NIN: variants seen among roughly 807,000 people sequenced by gnomAD.
NIN encodes the protein ninein.
NIN carries 137 observed loss-of-function variants against 257.6 expected under a neutral mutation model. The ratio of observed to expected loss-of-function variants is 0.53; its 90% CI spans 0.46 to 0.61. NIN has a LOEUF of 0.61. Among genes scored for constraint, NIN ranks in the 20% least tolerant of loss-of-function variants. The pLI, the probability that NIN is intolerant of heterozygous loss-of-function variation, is 0.00. For missense variants in NIN, 2,439 were observed against 2,501.2 expected (o/e 0.98, Z 0.53); for synonymous variants, 918 against 919.8 (o/e 1.00, Z 0.04).
intron 22 of NIN, among the ~76,000 whole-genome samples, chr14:50,746,793 A>G (rs548956973): frequency 3.0e-4 from 45 of 152,340 alleles, no homozygotes; most frequent in African/African-American, 1.1e-3. Context: ...GCATTTCTCC[A>G]TGAGAGGACA....
intron 13 of NIN, 117 bp from the exon 14 acceptor site, chr14:50,766,513 C>T: frequency 1.1e-6 from 1 of 883,174 alleles, no homozygotes. Context: ...AGGAATGTGA[C>T]ATGTAAGCAC....
intron 5 of NIN, 25 bp from the exon 6 acceptor site, chr14:50,778,829 T>A (rs764831528): frequency 1.2e-6 from 2 of 1,613,218 alleles, no homozygotes; most frequent in African/African-American, 2.7e-5. Flanking sequence ...AGAAGATTAG[T>A]GTGCTTTAGA....
At position 50,744,455 on chromosome 14, in the gene NIN, C is replaced by G. The variant is rs897450456; in HGVS notation, c.5065-90G>C. 4 of 1,346,216 alleles carry G rather than the reference C, an allele frequency of 3.0e-6. No individual in the cohort carries two copies. In the African/African-American group the frequency reaches 5.8e-5, roughly 20 times the overall value. 83.4% of individuals were successfully genotyped at this position (1,346,216 alleles called of 1,614,324 possible). A position where few individuals can be genotyped will look rare whatever the true frequency, so the allele number is the denominator to read the frequency against. ...TCTAAATAGGGCATTTTCACAGCTG[C>G]TGCTATTTGCCTATCTGTGGATATT... is the stretch of plus-strand genomic sequence containing the variant. On this transcript the variant is annotated intron_variant, in intron 22 of 30. Transcript: ENST00000530997.
At position 50,757,576 on chromosome 14, in the gene NIN, C is replaced by A. The variant is rs61742284; in HGVS notation, c.3454G>T (p.Val1152Phe). ...GTCCCTGTACTTCCCAGGTCCCGGA[C>A]CTCATCATCTTCCAGGTCACTTAGG... ...HVLSDLEDDE[V>F]RDLGSTGTSS... The change falls in exon 18 of 31, where the codon GTC (valine) becomes TTC (phenylalanine). Residue 1152 changes from valine (V) to phenylalanine (F), a missense_variant. Physicochemically the swap from Val to Phe is conservative, Grantham distance 50. Coordinates refer to ENST00000530997, the MANE Select transcript of NIN (RefSeq NM_020921.4). 2,381 of 1,614,112 alleles carry A rather than the reference C, an allele frequency of 1.5e-3. 33 individuals carry two copies. In the African/African-American group the frequency reaches 0.027, roughly 18 times the overall value.
At position 50,758,611 on chromosome 14, in the gene NIN, ACT is replaced by A. The variant is rs1268070092; in HGVS notation, c.2417_2418del (p.Glu806ValfsTer2). On this transcript the variant is annotated frameshift_variant, in exon 18 of 31. Transcript: ENST00000530997. LOFTEE classifies it high-confidence loss of function. ...TCTATTTGAGAGGTTCTTCTATTAC[ACT>A]CTGTTTCCATTTTTTCCCTAAATAT... ...LQEGREKMET[E>X]CNRRTSQIEA... The A allele has an allele frequency of 4.7e-5, 73 of 1,565,732 alleles. 1 individual carries two copies. Among genetic ancestry groups the A allele is most frequent in the Non-Finnish European group, 5.8e-5 (67 of 1,157,926 alleles).
chr14:50,736,218 C>T (rs775765779), intron 27 of NIN, among the ~76,000 whole-genome samples: 3 of 152,024 alleles, frequency 2.0e-5, no homozygotes, highest in East Asian at 1.9e-4. Flanking sequence ...CTGCAACCTG[C>T]GCTTCCCAGG....
intron 3 of NIN, among the ~76,000 whole-genome samples, chr14:50,811,507 A>G (rs1488918487): frequency 2.1e-5 from 3 of 144,808 alleles, no homozygotes; most frequent in African/African-American, 5.1e-5. Context: ...ACTCTTGTAT[A>G]TGATAAAACT....
At chr14:50,830,025 C>A (rs2045629517) in intron 2 of NIN, among the ~76,000 whole-genome samples, 1 of 152,244 alleles carries the variant, frequency 6.6e-6, no homozygotes, top group African/African-American at 2.4e-5. Flanking sequence ...ATCGACCCCG[C>A]ACACCTCCAA....
chr14:50,781,861 T>C (rs1394293951), intron 5 of NIN, among the ~76,000 whole-genome samples: 1 of 152,258 alleles, frequency 6.6e-6, no homozygotes, highest in African/African-American at 2.4e-5. Context: ...GAATTTATTT[T>C]AATTTCCATA....
intron 7 of NIN, 76 bp downstream of exon 7, chr14:50,776,873 C>A: frequency 1.5e-6 from 2 of 1,345,612 alleles, no homozygotes; most frequent in Non-Finnish European, 2.1e-6. Context: ...GAGAGCCACA[C>A]TACAGCTGTT....
At chr14:50,783,892 G>T (rs996508625) in intron 5 of NIN, among the ~76,000 whole-genome samples, 1 of 152,146 alleles carries the variant, frequency 6.6e-6, no homozygotes. Flanking sequence ...CAGGTGGCCT[G>T]TAGACACAGA....
In NIN at chr14:50,735,516, C is replaced by G; in HGVS notation, c.5877G>C (p.Glu1959Asp). 1.2e-6 allele frequency: 2 copies of G among 1,612,616 alleles called. No homozygotes were observed. The highest frequency in any genetic ancestry group is 1.7e-6 in the Non-Finnish European group (2 of 1,179,828). Residue 1959 changes from glutamate (E) to aspartate (D), a missense_variant and splice_region_variant, in exon 28 of 31, where the codon GAG (glutamate) becomes GAC (aspartate). Coordinates refer to ENST00000530997, the MANE Select transcript of NIN (RefSeq NM_020921.4). Reference sequence around the variant, plus strand: ...TAAGGCCATCTGCTGAGAAACTTACCTCCATGAGCTGCTCATCCAGTTTTA... The same window carrying G: ...TAAGGCCATCTGCTGAGAAACTTACGTCCATGAGCTGCTCATCCAGTTTTA... ...KQVKLDEQLM[E>D]MQHLRSTATP... is the part of the protein sequence containing the mutation.
chr14:50,759,779 G>C (rs934839089), intron 17 of NIN, 78 bp downstream of exon 17: 1 of 1,476,090 alleles, frequency 6.8e-7, no homozygotes, highest in Non-Finnish European at 9.1e-7. Flanking sequence ...GTGAGCCACC[G>C]CGCCCAGCCA....
intron 5 of NIN, among the ~76,000 whole-genome samples, chr14:50,791,693 T>C (rs1220713751): frequency 2.0e-5 from 3 of 152,030 alleles, no homozygotes; most frequent in African/African-American, 7.2e-5. Flanking sequence ...TTCTGGAAAG[T>C]TGAGGAGGAC....
At chr14:50,819,667 A>G (rs1442598222) in intron 3 of NIN, among the ~76,000 whole-genome samples, 2 of 152,254 alleles carry the variant, frequency 1.3e-5, no homozygotes, top group African/African-American at 4.8e-5. Context: ...TACAGATCCC[A>G]TGCCATGAGA....
intron 2 of NIN, among the ~76,000 whole-genome samples, chr14:50,824,825 A>G (rs1223737765): frequency 1.3e-5 from 2 of 152,166 alleles, no homozygotes; most frequent in African/African-American, 2.4e-5. Flanking sequence ...ACACACCTCC[A>G]CTTCCCCCAT....
At chr14:50,766,656 G>C in intron 13 of NIN, 124 bp downstream of exon 13, 3 of 694,752 alleles carry the variant, frequency 4.3e-6, no homozygotes, top group South Asian at 1.8e-5. Flanking sequence ...ACAAAAGTTA[G>C]AGCACCATTT....
intron 3 of NIN, 102 bp from the exon 4 acceptor site, chr14:50,806,920 T>C (rs995547747): frequency 3.7e-6 from 2 of 546,382 alleles, no homozygotes; most frequent in Non-Finnish European, 6.3e-6. Flanking sequence ...CCTGACAGCC[T>C]TGAAGTGAGT....
At chr14:50,777,313 G>C (rs568872851) in intron 6 of NIN, among the ~76,000 whole-genome samples, 174 bp from the exon 7 acceptor site, 1 of 152,302 alleles carries the variant, frequency 6.6e-6, no homozygotes, top group East Asian at 1.9e-4. Context: ...ATGGTTCTAA[G>C]GCTGCAACTA....
Sources: allele counts gnomAD v4.1 joint callset (sites outside exome capture counted in the v4.1 genomes callset), GRCh38; gene constraint gnomAD v4.1.1; transcripts MANE v1.5; gene names NCBI Gene and HGNC (gene_info 2026-07-23, HGNC 2026-07-21).